The following PTPRT variants were observed in gnomAD, a reference collection of about 807,000 sequenced individuals.
The protein encoded by PTPRT is protein tyrosine phosphatase receptor type T, also known as receptor-type tyrosine-protein phosphatase T.
Under a neutral mutation model 176.8 loss-of-function variants are expected in PTPRT, and 56 were observed. The ratio of observed to expected loss-of-function variants is 0.32; its 90% CI spans 0.26 to 0.40. The LOEUF (loss-of-function observed/expected upper bound fraction) is 0.40, where lower values mean the gene tolerates loss of function less well. PTPRT is among the 10% of genes least tolerant of loss of function. PTPRT has a pLI of 1.00. For synonymous variants in PTPRT, 783 were observed against 739.0 expected (o/e 1.06, Z -0.96); for missense variants, 1,540 against 1,908.2 (o/e 0.81, Z 3.60).
intron 13 of PTPRT, among the ~76,000 whole-genome samples, chr20:42,267,170 A>G (rs1037376703): frequency 2.6e-5 from 4 of 152,228 alleles, no homozygotes; most frequent in Admixed American, 2.6e-4. Flanking sequence ...CACTTTCAGT[A>G]CAGTATTCCA....
chr20:43,024,833 G>A (rs972283395), intron 1 of PTPRT, among the ~76,000 whole-genome samples: 1 of 152,130 alleles, frequency 6.6e-6, no homozygotes, highest in African/African-American at 2.4e-5. Context: ...CAACCTCACA[G>A]CTGCCAATGG....
intron 1 of PTPRT, among the ~76,000 whole-genome samples, chr20:43,188,757 G>GC (rs1555845668): frequency 6.7e-6 from 1 of 149,956 alleles, no homozygotes; most frequent in Non-Finnish European, 1.5e-5. Context: ...CTTGGGGGGG[G>GC]GGGGGCTCGG....
intron 6 of PTPRT, among the ~76,000 whole-genome samples, chr20:42,693,926 T>C (rs1367781975): frequency 6.6e-6 from 1 of 152,164 alleles, no homozygotes; most frequent in African/African-American, 2.4e-5. Flanking sequence ...TGTTTTCTAC[T>C]TCTAAAATTT....
chr20:42,780,071 T>G, intron 4 of PTPRT, 147 bp downstream of exon 4: 1 of 706,860 alleles, frequency 1.4e-6, no homozygotes, highest in Non-Finnish European at 2.5e-6. Flanking sequence ...ACTGATTGCA[T>G]TGAGTATGTA....
chr20:42,644,469 T>C (rs766141686), intron 7 of PTPRT, among the ~76,000 whole-genome samples: 4 of 152,194 alleles, frequency 2.6e-5, no homozygotes, highest in Non-Finnish European at 5.9e-5. Context: ...TCTATGTTCA[T>C]GCCCCTTCTC....
At chr20:42,169,297 G>A (rs935815684) in intron 16 of PTPRT, among the ~76,000 whole-genome samples, 1 of 152,124 alleles carries the variant, frequency 6.6e-6, no homozygotes, top group African/African-American at 2.4e-5. Context: ...ATGGGAAAAT[G>A]CTTCTAGGAT....
intron 1 of PTPRT, among the ~76,000 whole-genome samples, chr20:42,975,410 C>CA (rs995615810): frequency 7.2e-5 from 11 of 151,956 alleles, no homozygotes; most frequent in Non-Finnish European, 1.6e-4. Context: ...TTTGGGTAGT[C>CA]AAAAAAATGT....
At position 42,533,942 on chromosome 20, in the gene PTPRT, C is replaced by T. The variant is rs117853875; in HGVS notation, c.1154-61380G>A. On this transcript the variant is annotated intron_variant, in intron 7 of 30. Coordinates refer to ENST00000373187, the MANE Select transcript of PTPRT (RefSeq NM_007050.6). ...CTTCCTCTCCTGCCATTCTCATACA[C>T]GCTACCACTCTGGAATGCTTCTTCT... Among the ~76,000 whole-genome samples, 1,416 of 152,278 alleles carry T rather than the reference C, an allele frequency of 9.3e-3. 7 individuals are homozygous for T. The highest frequency in any genetic ancestry group is 0.016 in the Non-Finnish European group (1,088 of 68,016).
intron 9 of PTPRT, among the ~76,000 whole-genome samples, chr20:42,411,509 C>T (rs1351546664): frequency 1.0e-5 from 1 of 95,428 alleles, no homozygotes; most frequent in African/African-American, 4.2e-5. Flanking sequence ...AAGAGCTAAA[C>T]CCTGTCTCAA....
At chr20:43,061,088 A>ATGGATGGG (rs1555825216) in intron 1 of PTPRT, among the ~76,000 whole-genome samples, 1 of 20,170 alleles carries the variant, frequency 5.0e-5, no homozygotes, top group Non-Finnish European at 1.9e-4. Context: ...GGATAAATGA[A>ATGGATGGG]TGGATGGATG....
chr20:42,522,048 T>C (rs2072186577), intron 7 of PTPRT, among the ~76,000 whole-genome samples: 1 of 151,844 alleles, frequency 6.6e-6, no homozygotes, highest in Non-Finnish European at 1.5e-5. Flanking sequence ...AAGAACTTTT[T>C]CTTAAATTTT....
intron 13 of PTPRT, among the ~76,000 whole-genome samples, chr20:42,257,633 A>ACCCCCC (rs2056665645): frequency 8.1e-5 from 1 of 12,276 alleles, no homozygotes; most frequent in Non-Finnish European, 1.5e-4. Context: ...AGTGTGTAGC[A>ACCCCCC]CCTCCCCCCA....
chr20:42,920,831 C>A (rs1460093978), intron 1 of PTPRT, among the ~76,000 whole-genome samples: 1 of 152,084 alleles, frequency 6.6e-6, no homozygotes, highest in African/African-American at 2.4e-5. Flanking sequence ...ACAAGTAAGA[C>A]CAAGAGGGTT....
intron 1 of PTPRT, among the ~76,000 whole-genome samples, chr20:42,962,735 AC>A (rs1982063670): frequency 6.6e-6 from 1 of 152,162 alleles, no homozygotes; most frequent in African/African-American, 2.4e-5. Context: ...AAACACTACC[AC>A]CACCATTTAC....
chr20:42,711,226 T>A (rs1600647308), intron 6 of PTPRT, among the ~76,000 whole-genome samples: 1 of 152,182 alleles, frequency 6.6e-6, no homozygotes, highest in African/African-American at 2.4e-5. Flanking sequence ...AAGAAATGAA[T>A]GTGTTTTGCA....
chr20:43,102,284 T>TCTCACACACACACACA (rs138696752), intron 1 of PTPRT, among the ~76,000 whole-genome samples: 1 of 140,452 alleles, frequency 7.1e-6, no homozygotes, highest in African/African-American at 2.7e-5. Flanking sequence ...CACTCACACA[T>TCTCACACACACACACA]CACACACACA....
chr20:42,220,972 A>G (rs999607773), intron 15 of PTPRT, among the ~76,000 whole-genome samples: 1 of 152,138 alleles, frequency 6.6e-6, no homozygotes, highest in Non-Finnish European at 1.5e-5. Flanking sequence ...ATTTAAAGAA[A>G]TGATACAGTT....
intron 1 of PTPRT, among the ~76,000 whole-genome samples, chr20:43,138,962 T>C (rs532937246): frequency 2.6e-5 from 4 of 152,216 alleles, no homozygotes; most frequent in Non-Finnish European, 4.4e-5. Flanking sequence ...CTCAATCATT[T>C]GTAAAGAACA....
chr20:42,649,816 G>T (rs1170096623), intron 7 of PTPRT, among the ~76,000 whole-genome samples: 1 of 151,844 alleles, frequency 6.6e-6, no homozygotes, highest in African/African-American at 2.4e-5. Flanking sequence ...CTTTGCATTT[G>T]CATAGCACTC....
Sources: gnomAD v4.1 joint callset for allele counts (sites outside exome capture counted in the v4.1 genomes callset) on GRCh38, gnomAD v4.1.1 for gene constraint, MANE v1.5 for transcripts, NCBI Gene and HGNC (gene_info 2026-07-23, HGNC 2026-07-21) for gene names.